TP53BP2: variants seen among roughly 807,000 people sequenced by gnomAD.
The protein encoded by TP53BP2 is tumor protein p53 binding protein 2.
In TP53BP2, 62 loss-of-function variants were observed where a neutral mutation model predicts 126.2. That is an observed-to-expected ratio of 0.49 (90% CI 0.40 to 0.61). The LOEUF (loss-of-function observed/expected upper bound fraction) is 0.61. TP53BP2 is among the 20% of genes least tolerant of loss of function. The pLI is 0.00. For synonymous variants in TP53BP2, 485 were observed against 502.9 expected, an observed-to-expected ratio of 0.96 and a Z score of 0.48; for missense variants, 1,215 against 1,402.8, an observed-to-expected ratio of 0.87 and a Z score of 2.14.
rs539710003 is a variant in TP53BP2 at position 223,845,643 on chromosome 1, C to A, written c.27+11G>T. 11 of 1,552,606 alleles carry A rather than the reference C, an allele frequency of 7.1e-6. No individual in the cohort carries two copies. The African/African-American group carries it at 1.6e-4, about 22-fold the overall frequency. Reference sequence around the variant, plus strand: ...TTCCGGGCCCGACGCCCTGGCCGCTCGCCCACTTACCGGCATCATCTTGGA... The same window carrying A: ...TTCCGGGCCCGACGCCCTGGCCGCTAGCCCACTTACCGGCATCATCTTGGA... On this transcript the variant is annotated intron_variant, in intron 1 of 17. Coordinates refer to ENST00000343537, the MANE Select transcript of TP53BP2 (RefSeq NM_001031685.3).
intron 10 of TP53BP2, among the ~76,000 whole-genome samples, chr1:223,800,255 A>G (rs1662483876): frequency 6.6e-6 from 1 of 152,028 alleles, no homozygotes; most frequent in African/African-American, 2.4e-5. Flanking sequence ...CTGGAAATAA[A>G]TATTGTTAAA....
intron 8 of TP53BP2, 137 bp from the exon 9 acceptor site, chr1:223,802,481 C>G: frequency 1.1e-6 from 1 of 941,342 alleles, no homozygotes; most frequent in Non-Finnish European, 1.6e-6. Context: ...AAAAAACATT[C>G]CAAAATAAAC....
chr1:223,823,298 G>A (rs892925497), intron 1 of TP53BP2, among the ~76,000 whole-genome samples: 3 of 152,126 alleles, frequency 2.0e-5, no homozygotes, highest in Non-Finnish European at 4.4e-5. Flanking sequence ...GGATGATGAT[G>A]GAAACTGGCT....
chr1:223,820,084 AAGG>A (rs1663247550), intron 2 of TP53BP2, among the ~76,000 whole-genome samples: 1 of 152,210 alleles, frequency 6.6e-6, no homozygotes, highest in South Asian at 2.1e-4. Context: ...GCCTCTCCAG[AAGG>A]AGATTAACAT....
intron 14 of TP53BP2, 47 bp from the exon 15 acceptor site, chr1:223,792,569 G>C (rs1202364900): frequency 1.2e-6 from 2 of 1,603,460 alleles, no homozygotes; most frequent in African/African-American, 2.7e-5. Context: ...CTTGTCACCT[G>C]AACTGTCACT....
chr1:223,787,761 C>T (rs762074497), intron 16 of TP53BP2, among the ~76,000 whole-genome samples: 2 of 152,078 alleles, frequency 1.3e-5, no homozygotes, highest in Non-Finnish European at 1.5e-5. Context: ...GCCTGTAGTC[C>T]CAGTTACTCT....
At chr1:223,833,171 G>A (rs568679140) in intron 1 of TP53BP2, among the ~76,000 whole-genome samples, 6 of 152,242 alleles carry the variant, frequency 3.9e-5, no homozygotes, top group South Asian at 2.1e-4. Flanking sequence ...TATGTATACC[G>A]ATGTTCTATT....
At chr1:223,794,420 A>C (rs1662249964) in intron 13 of TP53BP2, among the ~76,000 whole-genome samples, 1 of 152,256 alleles carries the variant, frequency 6.6e-6, no homozygotes, top group Non-Finnish European at 1.5e-5. Flanking sequence ...TAAGCAGTAC[A>C]GTGTAATGAC....
At chr1:223,781,045 C>G (rs774994571) in intron 17 of TP53BP2, 151 bp from the exon 18 acceptor site, 28 of 717,144 alleles carry the variant, frequency 3.9e-5, no homozygotes, top group Non-Finnish European at 6.2e-5. Flanking sequence ...GCACCTAGAG[C>G]TTTACGTTTA....
chr1:223,845,156 T>C (rs1037312040), intron 1 of TP53BP2: 7 of 779,338 alleles, frequency 9.0e-6, no homozygotes, highest in Non-Finnish European at 1.1e-5. Context: ...CAAAACCCCT[T>C]TCCACAAAGA....
chr1:223,802,172 G>C lies in TP53BP2; in HGVS notation c.1169C>G (p.Pro390Arg), dbSNP rs771077531. The C allele has an allele frequency of 1.9e-6, 3 of 1,614,082 alleles. No individual in the cohort carries two copies. Among genetic ancestry groups the C allele is most frequent in the Non-Finnish European group, 2.5e-6 (3 of 1,180,010 alleles). The change falls in exon 9 of 18, where the codon CCG (proline) becomes CGG (arginine). Residue 390 changes from proline to arginine, a missense_variant. By Grantham distance (103) the Pro-to-Arg change is moderately radical (BLOSUM62 -2). Around this residue, in one of 4 missense-constraint regions of TP53BP2, gnomAD observed 814 missense variants for 853.0 expected, o/e 0.95. Coordinates refer to ENST00000343537, the MANE Select transcript of TP53BP2 (RefSeq NM_001031685.3). Reference protein sequence around the residue: ...GSLVIQASEGPMKIQTLPNMR... With the variant: ...GSLVIQASEGRMKIQTLPNMR... Reference sequence around the variant, plus strand: ...GTTGGGCAGTGTCTGTATTTTCATCGGCCCCTCTGAAGCCTGAATGACCAA... The same window carrying C: ...GTTGGGCAGTGTCTGTATTTTCATCCGCCCCTCTGAAGCCTGAATGACCAA...
rs765084372 is a variant in TP53BP2 at position 223,804,162 on chromosome 1, G to A, written c.649+12C>T. 3 of 1,595,256 alleles carry A rather than the reference G, an allele frequency of 1.9e-6. No homozygotes were observed. In the East Asian group the frequency reaches 6.7e-5, roughly 36 times the overall value. On this transcript the variant is annotated intron_variant, in intron 6 of 17. Transcript: ENST00000343537. ...AATGTATAAAAAAGTAAATCTATGA[G>A]GAACAACTCACCAAGTTTCCCATTG...
intron 2 of TP53BP2, among the ~76,000 whole-genome samples, chr1:223,816,005 T>C (rs1310641187): frequency 6.6e-6 from 1 of 152,226 alleles, no homozygotes; most frequent in Non-Finnish European, 1.5e-5. Flanking sequence ...TCGGCACGTA[T>C]CACCATTATT....
Position 223,845,730 on chromosome 1 carries a change from G to T in TP53BP2, c.-50C>A, listed in dbSNP as rs1558116090. 2.0e-6 allele frequency: 3 copies of T among 1,483,992 alleles called. No individual in the cohort carries two copies. Among genetic ancestry groups the T allele is most frequent in the Non-Finnish European group, 2.7e-6 (3 of 1,118,784 alleles). 91.9% of individuals were successfully genotyped at this position (1,483,992 alleles called of 1,614,324 possible). A position where few individuals can be genotyped will look rare whatever the true frequency, so the allele number is the denominator to read the frequency against. On this transcript the variant is annotated 5_prime_UTR_variant, in exon 1 of 18. Coordinates refer to ENST00000343537, the MANE Select transcript of TP53BP2 (RefSeq NM_001031685.3). Reference sequence around the variant, plus strand: ...CCCGGCCGAGCTGAGGTGCCCCGGAGGGTCGCGGATGCGGGGGAGGGGAGC... The same window carrying T: ...CCCGGCCGAGCTGAGGTGCCCCGGATGGTCGCGGATGCGGGGGAGGGGAGC...
chr1:223,845,774 G>C lies in TP53BP2; in HGVS notation c.-94C>G. 8.1e-7 allele frequency: 1 copy of C among 1,231,574 alleles called. No individual in the cohort carries two copies. The highest frequency in any genetic ancestry group is 1.0e-6 in the Non-Finnish European group (1 of 974,134). 76.3% of individuals were successfully genotyped at this position (1,231,574 alleles called of 1,614,324 possible). A position where few individuals can be genotyped will look rare whatever the true frequency, so the allele number is the denominator to read the frequency against. On this transcript the variant is annotated 5_prime_UTR_variant, in exon 1 of 18. Transcript: ENST00000343537. ...GGGGAGCGGAGAGCGAGGCCGCCCG[G>C]ACCTGTTGCGAGGCGGCGGCGGCGG...
At chr1:223,825,738 G>C (rs1255521788) in intron 1 of TP53BP2, 1 of 152,074 alleles carries the variant, frequency 6.6e-6, no homozygotes, top group African/African-American at 2.4e-5. Flanking sequence ...ACTACAGACA[G>C]TACAAAATTC....
intron 3 of TP53BP2, among the ~76,000 whole-genome samples, chr1:223,811,388 T>TAATA (rs964348483): frequency 1.3e-5 from 2 of 152,180 alleles, no homozygotes; most frequent in African/African-American, 4.8e-5. Context: ...TTCCCATTGC[T>TAATA]AATAAACAAA....
rs1314316709 is a variant in TP53BP2 at position 223,780,568 on chromosome 1, C to G, written c.*285G>C. On this transcript the variant is annotated 3_prime_UTR_variant, in exon 18 of 18. Transcript: ENST00000343537. ...ATGATCCTATTTACTAGACAGGATT[C>G]TTGTAGAAAACAGGATTGTCGCTGT... 2.4e-5 allele frequency: 8 copies of G among 333,432 alleles called. No homozygotes were observed. The highest frequency in any genetic ancestry group is 4.3e-5 in the African/African-American group (2 of 46,796). The allele number at this position is 333,432 out of a possible 1,614,324, so 20.7% of individuals were successfully genotyped here. A position where few individuals can be genotyped will look rare whatever the true frequency, so the allele number is the denominator to read the frequency against.
rs774259467 is a variant in TP53BP2, at chr1:223,798,262, T to C, written c.1901A>G (p.Gln634Arg). The C allele has an allele frequency of 5.0e-6, 8 of 1,614,136 alleles. No individual in the cohort carries two copies. The African/African-American group carries it at 6.7e-5, about 13-fold the overall frequency. Residue 634 changes from glutamine to arginine, a missense_variant, in exon 12 of 18, where the codon CAG becomes CGG. Transcript: ENST00000343537. The stretch of plus-strand genomic sequence containing the variant: ...GGTATGAGTCTTGGTCAACGCGCTC[T>C]GCACAGCCTGCTGGAAGTTTTTTCC... ...APGKNFQQAV[Q>R]SALTKTHTRG...
Sources: gnomAD v4.1 joint callset for allele counts (sites outside exome capture counted in the v4.1 genomes callset) on GRCh38, gnomAD v4.1.1 for gene constraint, gnomAD v4.1.1 regional missense constraint, MANE v1.5 for transcripts, NCBI Gene and HGNC (gene_info 2026-07-23, HGNC 2026-07-21) for gene names.